The following RASSF5 variants were observed in gnomAD, a reference collection of about 807,000 sequenced individuals.
RASSF5 encodes ras association domain-containing protein 5.
A neutral mutation model predicts 40.5 loss-of-function variants in RASSF5; 25 were observed. The observed-to-expected ratio is 0.62, with a 90% CI of 0.45 to 0.86. RASSF5 has a LOEUF of 0.86. Among genes scored for constraint, RASSF5 ranks in the 40% least tolerant of loss-of-function variants. RASSF5 has a pLI of 0.00. For synonymous variants in RASSF5, 246 were observed against 252.4 expected, an observed-to-expected ratio of 0.97 and a Z score of 0.24; for missense variants, 521 against 572.8, an observed-to-expected ratio of 0.91 and a Z score of 0.92.
At chr1:206,524,318 A>G (rs1390535176) in intron 1 of RASSF5, among the ~76,000 whole-genome samples, 1 of 140,614 alleles carries the variant, frequency 7.1e-6, no homozygotes, top group African/African-American at 2.6e-5. Context: ...TACATTTTAC[A>G]TATATTATAG....
intron 2 of RASSF5, among the ~76,000 whole-genome samples, chr1:206,566,309 C>T (rs1482575650): frequency 2.0e-5 from 3 of 151,942 alleles, no homozygotes; most frequent in South Asian, 2.1e-4. Flanking sequence ...GATGTCCTGC[C>T]GTAGGAAGCT....
intron 2 of RASSF5, among the ~76,000 whole-genome samples, chr1:206,568,748 C>T (rs2103549031): frequency 6.6e-6 from 1 of 152,342 alleles, no homozygotes; most frequent in South Asian, 2.1e-4. Flanking sequence ...GGAGATTCTG[C>T]TGAGTTTCAC....
intron 1 of RASSF5, among the ~76,000 whole-genome samples, chr1:206,525,901 G>C (rs1293220943): frequency 6.6e-6 from 1 of 152,206 alleles, no homozygotes; most frequent in Non-Finnish European, 1.5e-5. Context: ...TTTTGGAAGA[G>C]AGTAAAGACC....
chr1:206,573,833 GC>G (rs1257131810), intron 2 of RASSF5, among the ~76,000 whole-genome samples: 3 of 152,194 alleles, frequency 2.0e-5, no homozygotes, highest in African/African-American at 7.2e-5. Flanking sequence ...TATAGTGAGA[GC>G]CCCATCTCTT....
chr1:206,570,747 G>A (rs1668425556), intron 2 of RASSF5, among the ~76,000 whole-genome samples: 1 of 152,026 alleles, frequency 6.6e-6, no homozygotes, highest in Admixed American at 6.6e-5. Flanking sequence ...CCCTTTCAAG[G>A]CTGAATGAGA....
chr1:206,514,552 T>C (rs1366676334), intron 1 of RASSF5, among the ~76,000 whole-genome samples: 1 of 152,214 alleles, frequency 6.6e-6, no homozygotes, highest in Non-Finnish European at 1.5e-5. Flanking sequence ...TTCCTGTTTT[T>C]TGAACAAACA....
intron 2 of RASSF5, among the ~76,000 whole-genome samples, chr1:206,574,853 C>CTTT (rs71570015): frequency 2.2e-3 from 192 of 86,096 alleles, no homozygotes; most frequent in East Asian, 4.6e-3. Flanking sequence ...GGACCAATGA[C>CTTT]TTTTTTTTTT....
chr1:206,520,194 G>T (rs1428170361), intron 1 of RASSF5, among the ~76,000 whole-genome samples: 1 of 152,188 alleles, frequency 6.6e-6, no homozygotes, highest in African/African-American at 2.4e-5. Flanking sequence ...CAAAAGAGGA[G>T]GGGAGAAGAC....
chr1:206,512,313 T>C (rs1666638981), intron 1 of RASSF5, among the ~76,000 whole-genome samples: 2 of 152,110 alleles, frequency 1.3e-5, no homozygotes, highest in African/African-American at 4.8e-5. Context: ...GCAGCCCGTT[T>C]TTCCTCTCCT....
Position 206,584,332 on chromosome 1 carries a change from T to G in RASSF5, c.691-55T>G. ...TGGGGCAATGGCCCCGAGTGGCAGA[T>G]ATGATCATGCAAGGCGGACGGCCCT... is the stretch of plus-strand genomic sequence containing the variant. On this transcript the variant is annotated intron_variant, in intron 3 of 5. Transcript: ENST00000579436. The surrounding 1 kb of genome is among the most constrained non-coding windows in gnomAD (Gnocchi z 4.9). 1 of 1,535,208 alleles carries G rather than the reference T, an allele frequency of 6.5e-7. No individual in the cohort carries two copies. The highest frequency in any genetic ancestry group is 8.8e-7 in the Non-Finnish European group (1 of 1,134,566).
At chr1:206,582,652 T>C (rs1668939943) in intron 2 of RASSF5, among the ~76,000 whole-genome samples, 1 of 152,224 alleles carries the variant, frequency 6.6e-6, no homozygotes, top group Non-Finnish European at 1.5e-5. Flanking sequence ...AGTTCACTCG[T>C]TCATTTGACA....
rs376096611 is a variant in RASSF5, at chr1:206,575,034, GTT to G, written c.580-8225_580-8224del. The stretch of plus-strand genomic sequence containing the variant: ...GGATAATTTTTTTGTTTTTGTTTTT[GTT>G]TTTTTTTTTAGAAGAGACAGGGTTT... On this transcript the variant is annotated intron_variant, in intron 2 of 5. Coordinates refer to ENST00000579436, the MANE Select transcript of RASSF5 (RefSeq NM_182663.4). Among the ~76,000 whole-genome samples the G allele has an allele frequency of 6.5e-5, 7 of 107,686 alleles. No individual in the cohort carries two copies. In the East Asian group the frequency reaches 1.9e-3, roughly 30 times the overall value. The allele number at this position is 107,686 out of a possible 152,430, so 70.6% of individuals were successfully genotyped here.
chr1:206,526,669 C>T (rs934521849), intron 1 of RASSF5, among the ~76,000 whole-genome samples: 1 of 152,172 alleles, frequency 6.6e-6, no homozygotes, highest in Non-Finnish European at 1.5e-5. Flanking sequence ...TTCCAGCCCC[C>T]CTGCCTTACT....
intron 1 of RASSF5, chr1:206,529,148 C>G: frequency 6.6e-7 from 1 of 1,509,916 alleles, no homozygotes; most frequent in Middle Eastern, 2.0e-4. Context: ...CTGCGATTAA[C>G]CAGTTCACCC....
At chr1:206,573,182 T>C (rs1429531122) in intron 2 of RASSF5, among the ~76,000 whole-genome samples, 2 of 152,214 alleles carry the variant, frequency 1.3e-5, no homozygotes, top group African/African-American at 4.8e-5. Flanking sequence ...GAAATCAGTC[T>C]CCGTGTGGTG....
rs1467313128 is a variant in RASSF5 at position 206,538,269 on chromosome 1, C to T, written c.555C>T (p.Ser185=). Residue 185 remains serine (S), a synonymous_variant, in exon 2 of 6, where the codon AGC becomes AGT. Transcript: ENST00000579436. ...CCCGGGACAGACCCTCTCCAGAAAGCACCCTCACCGTGACCTTCAGCCAGG... is the reference window on the plus strand; with the variant it reads ...CCCGGGACAGACCCTCTCCAGAAAGTACCCTCACCGTGACCTTCAGCCAGG... The part of the protein sequence containing the change: ...GLSRDRPSPE[S]TLTVTFSQNV... The T allele has an allele frequency of 1.2e-6, 2 of 1,613,892 alleles. No individual in the cohort carries two copies. The highest frequency in any genetic ancestry group is 1.7e-6 in the Non-Finnish European group (2 of 1,180,036).
chr1:206,537,912 T>C (rs958993011), intron 1 of RASSF5, among the ~76,000 whole-genome samples: 22 of 152,322 alleles, frequency 1.4e-4, no homozygotes, highest in African/African-American at 5.3e-4. Context: ...ATCTGTAAAA[T>C]GGAAATAATA....
intron 2 of RASSF5, chr1:206,557,233 G>C: frequency 9.1e-7 from 1 of 1,093,198 alleles, no homozygotes; most frequent in South Asian, 3.3e-5. Context: ...CGCTCTGCAC[G>C]GCGGCGGAGG....
intron 1 of RASSF5, among the ~76,000 whole-genome samples, chr1:206,516,504 T>C (rs765081754): frequency 3.3e-5 from 5 of 152,092 alleles, no homozygotes; most frequent in Non-Finnish European, 5.9e-5. Context: ...TCGCCCAGAC[T>C]GGAGTGCAGT....
Sources: allele counts gnomAD v4.1 joint callset (sites outside exome capture counted in the v4.1 genomes callset), GRCh38; gene constraint gnomAD v4.1.1; non-coding constraint Gnocchi (gnomAD v3.1); transcripts MANE v1.5; gene names NCBI Gene and HGNC (gene_info 2026-07-23, HGNC 2026-07-21).